The following LMNTD2 variants were observed in gnomAD, a reference collection of about 807,000 sequenced individuals.
LMNTD2 encodes the protein lamin tail domain containing 2, also known as lamin tail domain-containing protein 2.
LMNTD2 carries 83 observed loss-of-function variants against 70.1 expected under a neutral mutation model. That is an observed-to-expected ratio of 1.18 (90% CI 0.99 to 1.42). The LOEUF is 1.42. LMNTD2 is among the 40% of genes most tolerant of loss of function. The probability of loss-of-function intolerance (pLI) is 0.00; values close to 1 mark genes in which losing one functional copy is unlikely to be tolerated. For synonymous variants in LMNTD2, 534 were observed against 406.1 expected (o/e 1.31, Z -3.79); for missense variants, 1,153 against 905.9 (o/e 1.27, Z -3.50).
chr11:558,890 G>A lies in LMNTD2; in HGVS notation c.124C>T (p.His42Tyr). The change falls in exon 2 of 14, where the codon CAC becomes TAC. Residue 42 changes from histidine to tyrosine, a missense_variant. His to Tyr is a moderately conservative substitution (Grantham distance 83, BLOSUM62 2). Transcript: ENST00000329451. ...TPTCLPDTTP[H>Y]PAPVVCSADP... Reference sequence around the variant, plus strand: ...GCAGAGCAGACCACCGGTGCGGGGTGGGGCGTGGTGTCTGGCAGGCACGTG... The same window carrying A: ...GCAGAGCAGACCACCGGTGCGGGGTAGGGCGTGGTGTCTGGCAGGCACGTG... 1 of 1,611,100 alleles carries A rather than the reference G, an allele frequency of 6.2e-7. No homozygotes were observed. Among genetic ancestry groups the A allele is most frequent in the Non-Finnish European group, 8.5e-7 (1 of 1,178,978 alleles).
At position 557,934 on chromosome 11, in the gene LMNTD2, G is replaced by A. The variant is rs376876931; in HGVS notation, c.505C>T (p.Arg169Cys). The A allele has an allele frequency of 1.0e-5, 16 of 1,594,140 alleles. No individual in the cohort carries two copies. In the East Asian group the frequency reaches 1.1e-4, roughly 11 times the overall value. ...AGCATGCGGCCCACCCACGAGGAGC[G>A]GGCCAGCTGCAGGAGGCAGGACTTC... Reference protein sequence around the residue: ...LQKSCLLQLARSSWVGRMLRS... With the variant: ...LQKSCLLQLACSSWVGRMLRS... The change falls in exon 5 of 14, where the codon CGC becomes TGC. Residue 169 changes from arginine to cysteine, a missense_variant. Physicochemically the swap from Arg to Cys is radical, Grantham distance 180 (BLOSUM62 -3). Transcript: ENST00000329451.
In LMNTD2 at chr11:556,023, C is replaced by G. The variant is rs761703592; in HGVS notation, c.1350G>C (p.Ala450=). The stretch of plus-strand genomic sequence containing the variant: ...CGCCCTTGGGGCTCAGGAGCAGCGT[C>G]GCGCAGCCGCGGATGGAGAGGAGGG... ...PVPLLSIRGC[A]TLLLSPKGEV... The change falls in exon 11 of 14, where the codon GCG becomes GCC. Residue 450 remains alanine, a synonymous_variant. Transcript: ENST00000329451. 1.9e-6 allele frequency: 3 copies of G among 1,556,880 alleles called. No individual in the cohort carries two copies. In the East Asian group the frequency reaches 7.7e-5, roughly 40 times the overall value.
Position 557,649 on chromosome 11 carries a change from G to A in LMNTD2, c.556-9C>T, listed in dbSNP as rs1258506499. ...GTCTCTGCCGTCACTACCTGCAAGA[G>A]GGGACCGGAAGCCAGTGGGCAGGGG... On this transcript the variant is annotated splice_polypyrimidine_tract_variant and intron_variant, in intron 5 of 13. Coordinates refer to ENST00000329451, the MANE Select transcript of LMNTD2 (RefSeq NM_173573.3). 3.1e-6 allele frequency: 5 copies of A among 1,613,106 alleles called. No homozygotes were observed. The highest frequency in any genetic ancestry group is 1.7e-5 in the Admixed American group (1 of 60,024).
chr11:556,721 G>C (rs1015028331), intron 8 of LMNTD2, 114 bp downstream of exon 8: 1 of 1,429,016 alleles, frequency 7.0e-7, no homozygotes, highest in East Asian at 2.5e-5. Flanking sequence ...GGGCAGGAAA[G>C]GTGGCTGGAC....
At chr11:557,236 G>A (rs530104427) in intron 7 of LMNTD2, 139 bp from the exon 8 acceptor site, 2 of 1,388,340 alleles carry the variant, frequency 1.4e-6, no homozygotes, top group African/African-American at 1.4e-5. Flanking sequence ...GACAGTGATG[G>A]CTGCCTCAAC....
At chr11:559,844 C>G in intron 1 of LMNTD2, 8 of 836,870 alleles carry the variant, frequency 9.6e-6, no homozygotes, top group African/African-American at 1.8e-5. Context: ...ACGTTAACCT[C>G]GAATTCCTGG....
chr11:557,270 G>A (rs1343958055), intron 7 of LMNTD2, 129 bp downstream of exon 7: 5 of 1,368,752 alleles, frequency 3.7e-6, no homozygotes, highest in African/African-American at 2.9e-5. Context: ...ACAGATCAGA[G>A]AACGCGCATT....
Position 556,341 on chromosome 11 carries a change from G to A in LMNTD2, c.1108C>T (p.Arg370Trp), listed in dbSNP as rs1246126482. 6.5e-7 allele frequency: 1 copy of A among 1,535,900 alleles called. No individual in the cohort carries two copies. Among genetic ancestry groups the A allele is most frequent in the Admixed American group, 2.0e-5 (1 of 50,936 alleles). The change falls in exon 10 of 14, where the codon CGG becomes TGG. Residue 370 changes from arginine to tryptophan, a missense_variant. Arg to Trp is a moderately radical substitution (Grantham distance 101). Transcript: ENST00000329451. ...TTGAAGATGCGGACGAACTTCTCCC[G>A]GCAGCTCACAGCCACGATCTTCAGG... The part of the protein sequence containing the change: ...TGLKIVAVSC[R>W]EKFVRIFNPS...
Position 558,191 on chromosome 11 carries a change from C to G in LMNTD2, c.369G>C (p.Glu123Asp), listed in dbSNP as rs778738895. 2.0e-5 allele frequency: 33 copies of G among 1,613,474 alleles called. No individual in the cohort carries two copies. The highest frequency in any genetic ancestry group is 2.7e-5 in the Non-Finnish European group (32 of 1,179,866). ...LQNQVQKLIQELKEQKERAQW... is the reference protein window; with the variant it reads ...LQNQVQKLIQDLKEQKERAQW... ...GGGCTCGCTCCTTCTGTTCCTTCAA[C>G]TCCTGGATCAGCTTCTGGACCTGGT... is the stretch of plus-strand genomic sequence containing the variant. The change falls in exon 4 of 14, where the codon GAG becomes GAC. Residue 123 changes from glutamate (E) to aspartate (D), a missense_variant. Physicochemically the swap from Glu to Asp is conservative, Grantham distance 45. Transcript: ENST00000329451.
chr11:559,683 G>A (rs1425844460), intron 1 of LMNTD2: 3 of 1,168,076 alleles, frequency 2.6e-6, no homozygotes, highest in Non-Finnish European at 3.2e-6. Flanking sequence ...GAAGCAGACA[G>A]GTAACAGTGA....
rs1853089716 is a variant in LMNTD2, at chr11:558,993, G to A, written c.35-14C>T. The A allele has an allele frequency of 5.0e-6, 8 of 1,596,926 alleles. No homozygotes were observed. Among genetic ancestry groups the A allele is most frequent in the African/African-American group, 2.7e-5 (2 of 74,836 alleles). ...CCGACTCTTGCTCTGTGGGGGACAG[G>A]AGAGCCTCTTCCTCGGTTTCTTCAA... On this transcript the variant is annotated splice_polypyrimidine_tract_variant and intron_variant, in intron 1 of 13. Coordinates refer to ENST00000329451, the MANE Select transcript of LMNTD2 (RefSeq NM_173573.3).
At position 554,937 on chromosome 11, in the gene LMNTD2, C is replaced by G; in HGVS notation, c.*43G>C. 2 of 1,425,876 alleles carry G rather than the reference C, an allele frequency of 1.4e-6. No homozygotes were observed. Among genetic ancestry groups the G allele is most frequent in the Admixed American group, 2.9e-5 (1 of 34,688 alleles). The allele number at this position is 1,425,876 out of a possible 1,614,324, so 88.3% of individuals were successfully genotyped here. ...ACACAGCCCGCCCAGCCCCGGCGCC[C>G]GCCCGCGCCCTCCCTCGCGGTCCCG... On this transcript the variant is annotated 3_prime_UTR_variant, in exon 14 of 14. Transcript: ENST00000329451.
chr11:559,258 C>G (rs1853123418), intron 1 of LMNTD2: 1 of 1,491,482 alleles, frequency 6.7e-7, no homozygotes, highest in Admixed American at 2.1e-5. Flanking sequence ...GTACCCCTGC[C>G]ACCCAGGTGC....
chr11:558,135 G>GC, intron 4 of LMNTD2, 26 bp downstream of exon 4: 1 of 1,611,832 alleles, frequency 6.2e-7, no homozygotes, highest in Non-Finnish European at 8.5e-7. Context: ...CCAGGACCCT[G>GC]CCCACTCCCT....
intron 3 of LMNTD2, 23 bp downstream of exon 3, chr11:558,591 G>T: frequency 1.3e-6 from 2 of 1,590,286 alleles, no homozygotes; most frequent in Non-Finnish European, 8.6e-7. Context: ...GGGTTGGGTT[G>T]GGCTGGGGAC....
intron 12 of LMNTD2, 46 bp downstream of exon 12, chr11:555,688 G>A (rs1852806883): frequency 7.3e-7 from 1 of 1,363,176 alleles, no homozygotes; most frequent in Admixed American, 4.0e-5. Flanking sequence ...CTGCTGGGTC[G>A]GGGCCTGGGG....
chr11:556,879 T>TCGGAGGAAGCGCGGTGGTCC lies in LMNTD2; in HGVS notation c.912_931dup (p.Glu311GlyfsTer59). On this transcript the variant is annotated frameshift_variant, in exon 8 of 14. Transcript: ENST00000329451. LOFTEE classifies it high-confidence loss of function. ...GCTGCCGGCCTGCACCAGCGCTTGC[T>TCGGAGGAAGCGCGGTGGTCC]CGGAGGAAGCGCGGTGGTCCCGGGG... is the stretch of plus-strand genomic sequence containing the variant. 6.3e-7 allele frequency: 1 copy of TCGGAGGAAGCGCGGTGGTCC among 1,594,004 alleles called. No individual in the cohort carries two copies. The highest frequency in any genetic ancestry group is 8.5e-7 in the Non-Finnish European group (1 of 1,171,416).
chr11:560,591 G>A (rs1853212500), intron 1 of LMNTD2, 92 bp downstream of exon 1: 4 of 1,293,054 alleles, frequency 3.1e-6, no homozygotes, highest in Non-Finnish European at 4.0e-6. Context: ...GGGGGTTGCG[G>A]GATCTCAAGC....
At chr11:559,037 G>A (rs1030857237) in intron 1 of LMNTD2, 58 bp from the exon 2 acceptor site, 2 of 1,581,260 alleles carry the variant, frequency 1.3e-6, no homozygotes, top group Non-Finnish European at 1.7e-6. Flanking sequence ...CCAGACTTGG[G>A]GGCCATTCTC....
Sources: gnomAD v4.1 joint callset for allele counts on GRCh38, gnomAD v4.1.1 for gene constraint, MANE v1.5 for transcripts, NCBI Gene and HGNC (gene_info 2026-07-23, HGNC 2026-07-21) for gene names.